Variants in KRABD5 observed in about 807,000 individuals in gnomAD.
KRABD5 encodes KRAB domain containing 5.
the KRABD5 span, among the ~76,000 whole-genome samples, chr16:31,720,973 C>T: frequency 2.0e-5 from 3 of 152,292 alleles, no homozygotes; most frequent in Admixed American, 6.5e-5. Flanking sequence ...GCTAATTTCA[C>T]AAGCATACAC....
chr16:31,721,766 CG>C, the KRABD5 span, among the ~76,000 whole-genome samples: 1 of 152,318 alleles, frequency 6.6e-6, no homozygotes, highest in East Asian at 1.9e-4. Flanking sequence ...CTGAATTCTT[CG>C]TTCAGTGTTC....
the KRABD5 span, chr16:31,755,792 C>A: frequency 3.1e-6 from 1 of 323,896 alleles, no homozygotes; most frequent in South Asian, 2.5e-5. Context: ...ATAGGGAAAC[C>A]GACTTTACAG....
chr16:31,738,132 AT>A, the KRABD5 span, among the ~76,000 whole-genome samples: 1 of 152,090 alleles, frequency 6.6e-6, no homozygotes, highest in African/African-American at 2.4e-5. Context: ...TCTATTGGTG[AT>A]CATGTGCCAT....
the KRABD5 span, among the ~76,000 whole-genome samples, chr16:31,750,569 A>G: frequency 1.3e-5 from 2 of 152,212 alleles, no homozygotes; most frequent in South Asian, 4.1e-4. Context: ...TATGTTGAAT[A>G]GAAGTGGTGA....
At chr16:31,750,506 A>G in the KRABD5 span, among the ~76,000 whole-genome samples, 1 of 152,070 alleles carries the variant, frequency 6.6e-6, no homozygotes, top group Non-Finnish European at 1.5e-5. Flanking sequence ...TCCTCTTTGG[A>G]TGCCTTTTAT....
At chr16:31,736,327 G>A in the KRABD5 span, among the ~76,000 whole-genome samples, 1 of 151,718 alleles carries the variant, frequency 6.6e-6, no homozygotes, top group Non-Finnish European at 1.5e-5. Flanking sequence ...GTCAGGTAGT[G>A]TGATGCCTTG....
the KRABD5 span, among the ~76,000 whole-genome samples, chr16:31,728,719 A>G: frequency 6.6e-6 from 1 of 152,200 alleles, no homozygotes; most frequent in Non-Finnish European, 1.5e-5. Flanking sequence ...TTGGTTTAAC[A>G]TGTGATCTGT....
At chr16:31,721,052 T>C in the KRABD5 span, among the ~76,000 whole-genome samples, 2 of 152,160 alleles carry the variant, frequency 1.3e-5, no homozygotes, top group African/African-American at 4.8e-5. Flanking sequence ...TCTACTGTCT[T>C]AAAATTCTAA....
the KRABD5 span, among the ~76,000 whole-genome samples, chr16:31,718,275 G>T: frequency 1.3e-5 from 2 of 152,138 alleles, no homozygotes; most frequent in Non-Finnish European, 2.9e-5. Flanking sequence ...ACCCAAGAAT[G>T]CAGAGCCAGG....
the KRABD5 span, chr16:31,755,170 G>A: frequency 6.9e-5 from 33 of 479,112 alleles, no homozygotes; most frequent in Middle Eastern, 3.2e-4. Flanking sequence ...ACTGTAGGTC[G>A]TACCTAACTA....
chr16:31,737,825 C>T, the KRABD5 span, among the ~76,000 whole-genome samples: 5 of 152,152 alleles, frequency 3.3e-5, no homozygotes, highest in Admixed American at 6.5e-5. Context: ...CTTGAGATTC[C>T]GTAGACATTT....
chr16:31,736,874 A>G, the KRABD5 span, among the ~76,000 whole-genome samples: 1 of 152,096 alleles, frequency 6.6e-6, no homozygotes, highest in Admixed American at 6.6e-5. Flanking sequence ...ATCTATTCAC[A>G]TGTATTTCAT....
the KRABD5 span, among the ~76,000 whole-genome samples, chr16:31,720,326 C>T: frequency 6.6e-6 from 1 of 152,076 alleles, no homozygotes; most frequent in South Asian, 2.1e-4. Flanking sequence ...TGTAAGGGAC[C>T]CTGTGTTTTG....
At chr16:31,723,343 C>T in the KRABD5 span, 1 of 1,612,410 alleles carries the variant, frequency 6.2e-7, no homozygotes, top group Non-Finnish European at 8.5e-7. Context: ...AGACAGTAGC[C>T]ATCCAGCCAG....
the KRABD5 span, chr16:31,723,349 G>T: frequency 6.2e-7 from 1 of 1,611,786 alleles, no homozygotes; most frequent in Non-Finnish European, 8.5e-7. Context: ...TAGCCATCCA[G>T]CCAGGTAGGT....
the KRABD5 span, among the ~76,000 whole-genome samples, chr16:31,743,504 G>A: frequency 6.7e-3 from 1,025 of 152,134 alleles, 8 homozygotes; most frequent in African/African-American, 0.024. Flanking sequence ...TACCAGTACC[G>A]TGCTGTTTTG....
At chr16:31,753,978 G>GT in the KRABD5 span, 1 of 1,506,774 alleles carries the variant, frequency 6.6e-7, no homozygotes, top group African/African-American at 1.4e-5. Context: ...AAACCTCACT[G>GT]TTACAGGAGG....
chr16:31,754,582 C>T, the KRABD5 span: 3 of 497,760 alleles, frequency 6.0e-6, no homozygotes, highest in Non-Finnish European at 1.2e-5. Context: ...TTCATGAATG[C>T]ACCAACCATG....
chr16:31,755,012 G>A, the KRABD5 span: 8 of 467,642 alleles, frequency 1.7e-5, no homozygotes, highest in South Asian at 1.3e-4. Flanking sequence ...AAATCTTCTT[G>A]TGCATCAGAG....
Sources: allele counts gnomAD v4.1 joint callset (sites outside exome capture counted in the v4.1 genomes callset), GRCh38; gene constraint gnomAD v4.1.1; transcripts MANE v1.5; gene names NCBI Gene and HGNC (gene_info 2026-07-23, HGNC 2026-07-21).